Variants in TRIM33 observed in about 807,000 individuals in gnomAD.
The protein encoded by TRIM33 is tripartite motif containing 33.
In TRIM33, 20 loss-of-function variants were observed where a neutral mutation model predicts 125.4. That is an observed-to-expected ratio of 0.16 (90% CI 0.11 to 0.23). TRIM33 has a LOEUF of 0.23. TRIM33 is among the 10% of genes least tolerant of loss of function. The probability of loss-of-function intolerance (pLI) is 1.00; values close to 1 mark genes in which losing one functional copy is unlikely to be tolerated. For missense variants in TRIM33, 920 were observed against 1,411.4 expected (o/e 0.65, Z 5.58); for synonymous variants, 564 against 513.9 (o/e 1.10, Z -1.32).
rs773262839 is a variant in TRIM33, at chr1:114,397,889, T to C, written c.3172-29A>G. ...CAAGCAAAAGATAGGAATATTCACCTATTGGTAATGCATATTCCTTCACCA... is the reference window on the plus strand; with the variant it reads ...CAAGCAAAAGATAGGAATATTCACCCATTGGTAATGCATATTCCTTCACCA... On this transcript the variant is annotated intron_variant, in intron 19 of 19. Transcript: ENST00000358465. 14 of 1,613,420 alleles carry C rather than the reference T, an allele frequency of 8.7e-6. No homozygotes were observed. In the East Asian group the frequency reaches 2.7e-4, roughly 31 times the overall value.
chr1:114,487,540 G>GA (rs928284112), intron 1 of TRIM33, among the ~76,000 whole-genome samples: 8 of 147,356 alleles, frequency 5.4e-5, no homozygotes, highest in African/African-American at 7.5e-5. Context: ...TGCCGTAACA[G>GA]AAAAAAAAAA....
At chr1:114,442,687 CAAAAAAAAA>C (rs34847018) in intron 4 of TRIM33, among the ~76,000 whole-genome samples, 1 of 73,854 alleles carries the variant, frequency 1.4e-5, no homozygotes, top group South Asian at 4.6e-4. Context: ...GACTCTGTCT[CAAAAAAAAA>C]AAAAAAAAGA....
At chr1:114,490,147 T>C (rs1230541304) in intron 1 of TRIM33, among the ~76,000 whole-genome samples, 1 of 88,172 alleles carries the variant, frequency 1.1e-5, no homozygotes, top group South Asian at 3.6e-4. Flanking sequence ...AAAAAAAAAA[T>C]TAAGAAAAAG....
chr1:114,461,283 A>ATATAT (rs1205695411), intron 4 of TRIM33, among the ~76,000 whole-genome samples: 6 of 141,522 alleles, frequency 4.2e-5, no homozygotes, highest in South Asian at 2.2e-4. Flanking sequence ...ATTTATTATT[A>ATATAT]TTATATATTT....
chr1:114,408,545 T>A, intron 13 of TRIM33, 132 bp downstream of exon 13: 1 of 570,198 alleles, frequency 1.8e-6, no homozygotes. Context: ...AGAAACAAGA[T>A]TGGCCATTAT....
chr1:114,472,377 T>C (rs760979952), intron 1 of TRIM33, among the ~76,000 whole-genome samples: 11 of 152,214 alleles, frequency 7.2e-5, no homozygotes, highest in Admixed American at 4.6e-4. Flanking sequence ...TTTTAAGAAT[T>C]ATCAAAATAG....
intron 15 of TRIM33, among the ~76,000 whole-genome samples, chr1:114,403,973 C>T (rs1006044955): frequency 6.6e-6 from 1 of 151,948 alleles, no homozygotes; most frequent in Non-Finnish European, 1.5e-5. Context: ...TACCTCCTAT[C>T]TTTTAACCCT....
At chr1:114,422,196 T>C (rs750678052) in intron 10 of TRIM33, among the ~76,000 whole-genome samples, 1 of 152,188 alleles carries the variant, frequency 6.6e-6, no homozygotes, top group Non-Finnish European at 1.5e-5. Context: ...TAAGACAATA[T>C]AGAAGAAAAT....
chr1:114,479,248 T>C (rs906017490), intron 1 of TRIM33, among the ~76,000 whole-genome samples: 8 of 152,146 alleles, frequency 5.3e-5, no homozygotes, highest in Non-Finnish European at 1.2e-4. Flanking sequence ...GAAAAAATGT[T>C]TGAAGAAATA....
rs34364866 is a variant in TRIM33, at chr1:114,452,727, T to TA, written c.923+10376dup. 4.9e-3 allele frequency among the ~76,000 whole-genome samples: 527 copies of TA among 107,634 alleles called. 2 individuals carry two copies. The highest frequency in any genetic ancestry group is 5.3e-3 in the East Asian group (18 of 3,372). 70.6% of individuals were successfully genotyped at this position (107,634 alleles called of 152,430 possible). ...GGCAACATGGCAAGACCCCATCTCT[T>TA]AAAAAAAAAAAAAAAAAAAAAAAAA... On this transcript the variant is annotated intron_variant, in intron 4 of 19. Transcript: ENST00000358465.
chr1:114,399,356 GA>G (rs977996105), intron 18 of TRIM33, 100 bp downstream of exon 18: 45 of 1,205,522 alleles, frequency 3.7e-5, no homozygotes, highest in Middle Eastern at 2.3e-4. Flanking sequence ...GACTTTAGCA[GA>G]AAAAAAAATT....
At position 114,397,592 on chromosome 1, in the gene TRIM33, TTTTTTTTTTTTTTCG is replaced by T. The variant is rs1395139733; in HGVS notation, c.*41_*55del. The T allele has an allele frequency of 9.6e-7, 1 of 1,042,974 alleles. No homozygotes were observed. Among genetic ancestry groups the T allele is most frequent in the African/African-American group, 1.7e-5 (1 of 60,040 alleles). 64.6% of individuals were successfully genotyped at this position (1,042,974 alleles called of 1,614,324 possible). ...AAAAGTTTTCTGGGTTTTTTGTGTTTTTTTTTTTTTTTTCGTTTTTTTTTTTTTAAACAATTGATT... is the reference window on the plus strand; with the variant it reads ...AAAAGTTTTCTGGGTTTTTTGTGTTTTTTTTTTTTTTTTAAACAATTGATT... On this transcript the variant is annotated 3_prime_UTR_variant, in exon 20 of 20. Coordinates refer to ENST00000358465, the MANE Select transcript of TRIM33 (RefSeq NM_015906.4).
chr1:114,410,148 G>T (rs375002077), intron 12 of TRIM33, 36 bp downstream of exon 12: 1 of 1,608,496 alleles, frequency 6.2e-7, no homozygotes, highest in Non-Finnish European at 8.5e-7. Context: ...GTTTTTTTAA[G>T]GTGTTAAAAA....
intron 10 of TRIM33, among the ~76,000 whole-genome samples, chr1:114,423,707 G>A (rs567796991): frequency 2.0e-4 from 31 of 151,918 alleles, no homozygotes; most frequent in Admixed American, 1.6e-3. Flanking sequence ...GCCAAGAAGC[G>A]CATTATTTTA....
Position 114,511,055 on chromosome 1 carries a change from C to T in TRIM33, c.22G>A (p.Gly8Ser), listed in dbSNP as rs947766935. ...CCCCCGCCGCCGCTCTCAGCCTCGCCGCCGCCTTTGTTTTCCGCCATGTTT... is the reference window on the plus strand; with the variant it reads ...CCCCCGCCGCCGCTCTCAGCCTCGCTGCCGCCTTTGTTTTCCGCCATGTTT... Reference protein sequence around the residue: MAENKGGGEAESGGGGSG... With the variant: MAENKGGSEAESGGGGSG... Residue 8 changes from glycine to serine, a missense_variant, in exon 1 of 20, where the codon GGC becomes AGC. By Grantham distance (56) the Gly-to-Ser change is moderately conservative. This residue lies in a region of TRIM33 where 233 missense variants were observed against 189.6 expected (regional missense o/e 1.23). Coordinates refer to ENST00000358465, the MANE Select transcript of TRIM33 (RefSeq NM_015906.4). 113 of 1,301,552 alleles carry T rather than the reference C, an allele frequency of 8.7e-5. No individual in the cohort carries two copies. The African/African-American group carries it at 1.6e-3, about 18-fold the overall frequency. The allele number at this position is 1,301,552 out of a possible 1,614,324, so 80.6% of individuals were successfully genotyped here.
Position 114,425,682 on chromosome 1 carries a change from G to A in TRIM33, c.1462C>T (p.Pro488Ser). The A allele has an allele frequency of 6.2e-7, 1 of 1,613,942 alleles. No individual in the cohort carries two copies. Among genetic ancestry groups the A allele is most frequent in the Non-Finnish European group, 8.5e-7 (1 of 1,179,960 alleles). The change falls in exon 9 of 20, where the codon CCT becomes TCT. Residue 488 changes from proline to serine, a missense_variant. By Grantham distance (74) the Pro-to-Ser change is moderately conservative. Transcript: ENST00000358465. ...GGAACTTGCCCAACTACAACATTAG[G>A]AGTATAACCAGGAGCTGGTTTACTC... ...IESKPAPGYTPNVVVGQVPPG... is the reference protein window; with the variant it reads ...IESKPAPGYTSNVVVGQVPPG...
intron 4 of TRIM33, among the ~76,000 whole-genome samples, chr1:114,457,990 A>G (rs1357853866): frequency 2.0e-5 from 3 of 152,258 alleles, no homozygotes; most frequent in South Asian, 2.1e-4. Context: ...TTGCAAAATT[A>G]TAACAGTGAG....
intron 11 of TRIM33, 34 bp from the exon 12 acceptor site, chr1:114,410,350 T>C (rs1008357412): frequency 6.3e-7 from 1 of 1,595,722 alleles, no homozygotes; most frequent in Non-Finnish European, 8.5e-7. Flanking sequence ...AAATTTGCTT[T>C]GATTAAAGCA....
At chr1:114,485,422 T>C (rs571048066) in intron 1 of TRIM33, among the ~76,000 whole-genome samples, 1 of 152,302 alleles carries the variant, frequency 6.6e-6, no homozygotes, top group Non-Finnish European at 1.5e-5. Context: ...TCATCACTTC[T>C]TATCCCTTTG....
Sources: gnomAD v4.1 joint callset for allele counts (sites outside exome capture counted in the v4.1 genomes callset) on GRCh38, gnomAD v4.1.1 for gene constraint, gnomAD v4.1.1 regional missense constraint, MANE v1.5 for transcripts, NCBI Gene and HGNC (gene_info 2026-07-23, HGNC 2026-07-21) for gene names.